Variants in TRPM3 observed in about 807,000 individuals in gnomAD.
TRPM3 encodes transient receptor potential cation channel subfamily M member 3.
A neutral mutation model predicts 181.2 loss-of-function variants in TRPM3; 77 were observed. That is an observed-to-expected ratio of 0.42 (90% CI 0.35 to 0.51). The LOEUF (loss-of-function observed/expected upper bound fraction) is 0.51. Ranked by LOEUF, TRPM3 falls within the 20% of genes least tolerant of loss-of-function variation. The pLI is 0.01. For missense variants in TRPM3, 1,759 were observed against 2,196.7 expected (o/e 0.80, Z 3.98); for synonymous variants, 745 against 796.4 (o/e 0.94, Z 1.09).
intron 22 of TRPM3, among the ~76,000 whole-genome samples, chr9:70,589,058 G>C (rs544554406): frequency 6.6e-6 from 1 of 152,328 alleles, no homozygotes; most frequent in East Asian, 1.9e-4. Flanking sequence ...TCTATCCAAG[G>C]CTGGGTCAGT....
chr9:71,210,459 T>A (rs778517339), intron 1 of TRPM3, among the ~76,000 whole-genome samples: 24 of 152,192 alleles, frequency 1.6e-4, no homozygotes, highest in Non-Finnish European at 2.6e-4. Flanking sequence ...GTGGGAAAAC[T>A]ATCTTTCACA....
intron 1 of TRPM3, among the ~76,000 whole-genome samples, chr9:71,189,249 G>T (rs1321586711): frequency 6.6e-6 from 1 of 151,918 alleles, no homozygotes; most frequent in East Asian, 1.9e-4. Context: ...CACTTACTTG[G>T]TTCACTATGC....
intron 9 of TRPM3, among the ~76,000 whole-genome samples, chr9:70,659,234 C>T (rs540568165): frequency 2.6e-5 from 4 of 152,162 alleles, no homozygotes; most frequent in African/African-American, 9.6e-5. Flanking sequence ...ACTTATGGAG[C>T]CAATAAAAGC....
chr9:70,897,909 G>A (rs752837898), intron 1 of TRPM3, among the ~76,000 whole-genome samples: 1 of 152,170 alleles, frequency 6.6e-6, no homozygotes, highest in African/African-American at 2.4e-5. Context: ...CTCACGTTGT[G>A]TAGGGAGTTG....
At chr9:71,420,697 GA>G (rs768638657) in intron 1 of TRPM3, among the ~76,000 whole-genome samples, 2 of 53,470 alleles carry the variant, frequency 3.7e-5, no homozygotes, top group Non-Finnish European at 7.8e-5. Context: ...AAGGGAAAGA[GA>G]AAGAGAGAGA....
intron 11 of TRPM3, among the ~76,000 whole-genome samples, chr9:70,638,635 A>G (rs1013473384): frequency 2.6e-5 from 4 of 152,186 alleles, no homozygotes; most frequent in Non-Finnish European, 5.9e-5. Flanking sequence ...TTATAGCTGA[A>G]CTATGAAGAA....
intron 1 of TRPM3, among the ~76,000 whole-genome samples, chr9:70,974,826 A>G (rs2097286480): frequency 6.6e-6 from 1 of 151,118 alleles, no homozygotes; most frequent in African/African-American, 2.4e-5. Context: ...CAACAATTCA[A>G]TATTGATTAC....
At position 70,588,866 on chromosome 9, in the gene TRPM3, G is replaced by A. The variant is rs191339689; in HGVS notation, c.3223+2165C>T. Among the ~76,000 whole-genome samples, 22 of 152,296 alleles carry A rather than the reference G, an allele frequency of 1.4e-4. No individual in the cohort carries two copies. In the East Asian group the frequency reaches 3.9e-3, roughly 27 times the overall value. On this transcript the variant is annotated intron_variant, in intron 22 of 25. Coordinates refer to ENST00000677713, the MANE Select transcript of TRPM3 (RefSeq NM_001366145.2). Reference sequence around the variant, plus strand: ...GAGGACAGGAATGTTCAATGACCTTGGCCAAATGTCATGACAGATTTTGGG... The same window carrying A: ...GAGGACAGGAATGTTCAATGACCTTAGCCAAATGTCATGACAGATTTTGGG...
intron 3 of TRPM3, among the ~76,000 whole-genome samples, chr9:70,862,287 C>A (rs1019785080): frequency 6.6e-6 from 1 of 152,082 alleles, no homozygotes; most frequent in Non-Finnish European, 1.5e-5. Context: ...AATTTAAAAG[C>A]AAAAACTCTT....
chr9:70,585,762 T>TCCTCTCA, intron 22 of TRPM3, among the ~76,000 whole-genome samples: 1 of 152,244 alleles, frequency 6.6e-6, no homozygotes, highest in South Asian at 2.1e-4. Context: ...ATTAGAAATT[T>TCCTCTCA]CCTCTCACCT....
chr9:71,399,141 A>G (rs565008324), intron 1 of TRPM3, among the ~76,000 whole-genome samples: 2 of 152,322 alleles, frequency 1.3e-5, no homozygotes, highest in South Asian at 4.1e-4. Context: ...ATAAAAAATG[A>G]CAACCTAATG....
chr9:71,330,524 A>C (rs557322578), intron 1 of TRPM3, among the ~76,000 whole-genome samples: 1 of 151,948 alleles, frequency 6.6e-6, no homozygotes, highest in Non-Finnish European at 1.5e-5. Flanking sequence ...AAATGTTAGA[A>C]TTTCCTACTG....
At chr9:70,940,470 G>A (rs940056132) in intron 1 of TRPM3, among the ~76,000 whole-genome samples, 1 of 152,188 alleles carries the variant, frequency 6.6e-6, no homozygotes, top group South Asian at 2.1e-4. Context: ...CTGGTTCATC[G>A]ATTCAAATAT....
intron 1 of TRPM3, among the ~76,000 whole-genome samples, chr9:70,930,892 A>T (rs967746153): frequency 5.3e-5 from 8 of 152,206 alleles, no homozygotes; most frequent in African/African-American, 1.9e-4. Flanking sequence ...AATAAAAATA[A>T]ATATATATAT....
intron 12 of TRPM3, among the ~76,000 whole-genome samples, chr9:70,633,480 A>G (rs1057277721): frequency 1.3e-5 from 2 of 152,218 alleles, no homozygotes; most frequent in Admixed American, 6.5e-5. Context: ...CAGATTGCAT[A>G]GTGTTTTCCC....
chr9:70,955,524 C>A (rs750160006), intron 1 of TRPM3, among the ~76,000 whole-genome samples: 2 of 152,070 alleles, frequency 1.3e-5, no homozygotes, highest in Non-Finnish European at 2.9e-5. Flanking sequence ...AATTTTATAA[C>A]TCAAGTGGAT....
chr9:70,930,789 T>C (rs999785721), intron 1 of TRPM3, among the ~76,000 whole-genome samples: 53 of 152,298 alleles, frequency 3.5e-4, no homozygotes, highest in African/African-American at 1.2e-3. Flanking sequence ...GAACACTGTT[T>C]ATTTTAAATG....
intron 22 of TRPM3, among the ~76,000 whole-genome samples, chr9:70,563,154 C>T (rs1174124796): frequency 6.6e-6 from 1 of 152,172 alleles, no homozygotes; most frequent in East Asian, 1.9e-4. Flanking sequence ...CATGAGCTAG[C>T]CTGTTGGAGA....
At chr9:71,363,981 G>A (rs377253170) in intron 1 of TRPM3, among the ~76,000 whole-genome samples, 7 of 152,176 alleles carry the variant, frequency 4.6e-5, no homozygotes, top group South Asian at 2.1e-4. Flanking sequence ...TAAATGATGC[G>A]CTAAACTTGA....
Sources: gnomAD v4.1 joint callset for allele counts (sites outside exome capture counted in the v4.1 genomes callset) on GRCh38, gnomAD v4.1.1 for gene constraint, MANE v1.5 for transcripts, NCBI Gene and HGNC (gene_info 2026-07-23, HGNC 2026-07-21) for gene names.